CTNNA2: variants seen among roughly 807,000 people sequenced by gnomAD.
CTNNA2 encodes catenin alpha 2.
CTNNA2 carries 42 observed loss-of-function variants against 101.0 expected under a neutral mutation model. The observed-to-expected ratio is 0.42, with a 90% CI of 0.32 to 0.54. The LOEUF is 0.54. CTNNA2 is among the 20% of genes least tolerant of loss of function. The pLI, the probability that CTNNA2 is intolerant of heterozygous loss-of-function variation, is 0.14. For missense variants in CTNNA2, 871 were observed against 1,223.1 expected, an observed-to-expected ratio of 0.71 and a Z score of 4.29; for synonymous variants, 450 against 456.4, an observed-to-expected ratio of 0.99 and a Z score of 0.18.
At chr2:79,707,306 A>G (rs1685448070) in intron 2 of CTNNA2, among the ~76,000 whole-genome samples, 1 of 152,230 alleles carries the variant, frequency 6.6e-6, no homozygotes, top group Non-Finnish European at 1.5e-5. Context: ...TTGAGAGGCC[A>G]TAATCCATAT....
intron 2 of CTNNA2, among the ~76,000 whole-genome samples, chr2:79,215,323 C>A (rs1223940372): frequency 2.0e-5 from 3 of 152,194 alleles, no homozygotes; most frequent in African/African-American, 2.4e-5. Context: ...CTGGCCACTG[C>A]GGTTCAGGCG....
intron 1 of CTNNA2, among the ~76,000 whole-genome samples, chr2:79,536,574 A>AGTGTGTGTGTGTGTGT (rs61029469): frequency 0.011 from 1,584 of 146,780 alleles, 10 homozygotes; most frequent in Non-Finnish European, 0.018. Flanking sequence ...TCTCTAAAGA[A>AGTGTGTGTGTGTGTGT]GTGTGTGTGT....
At chr2:79,551,108 A>G (rs894402760) in intron 1 of CTNNA2, among the ~76,000 whole-genome samples, 2 of 152,210 alleles carry the variant, frequency 1.3e-5, no homozygotes, top group South Asian at 2.1e-4. Context: ...TCGTCACTAT[A>G]TAGCTGCTGC....
chr2:80,606,162 G>A (rs991276806), intron 16 of CTNNA2, among the ~76,000 whole-genome samples: 2 of 151,774 alleles, frequency 1.3e-5, no homozygotes, highest in Non-Finnish European at 2.9e-5. Context: ...GACTTCTTGG[G>A]AGTGAAAATG....
intron 4 of CTNNA2, among the ~76,000 whole-genome samples, chr2:79,443,337 C>G (rs1184958893): frequency 6.6e-6 from 1 of 152,028 alleles, no homozygotes; most frequent in Non-Finnish European, 1.5e-5. Flanking sequence ...AACTGATGTC[C>G]AAGAGCAGGA....
At chr2:80,310,494 T>C (rs1336155186) in intron 7 of CTNNA2, among the ~76,000 whole-genome samples, 1 of 152,142 alleles carries the variant, frequency 6.6e-6, no homozygotes, top group Admixed American at 6.5e-5. Flanking sequence ...TGGTAATTGA[T>C]CCCATGGGGC....
chr2:79,861,790 A>C (rs1681641427), intron 4 of CTNNA2, among the ~76,000 whole-genome samples: 1 of 152,344 alleles, frequency 6.6e-6, no homozygotes, highest in African/African-American at 2.4e-5. Context: ...TCTAGTGCCC[A>C]GTTAGCACCC....
At chr2:79,706,734 G>C (rs542265430) in intron 2 of CTNNA2, among the ~76,000 whole-genome samples, 2 of 152,204 alleles carry the variant, frequency 1.3e-5, no homozygotes, top group African/African-American at 4.8e-5. Flanking sequence ...AATCTTGGGT[G>C]GTGGGCAGGC....
rs1034832041 is a variant in CTNNA2 at position 80,647,931 on chromosome 2, A to C, written c.*59A>C. On this transcript the variant is annotated 3_prime_UTR_variant, in exon 19 of 19. Coordinates refer to ENST00000402739, the MANE Select transcript of CTNNA2 (RefSeq NM_001282597.3). Reference sequence around the variant, plus strand: ...CTTTTCTTTCTTTCTTTTTCTTTTTAATTCCATTTTTGTATGCATACCTGC... The same window carrying C: ...CTTTTCTTTCTTTCTTTTTCTTTTTCATTCCATTTTTGTATGCATACCTGC... 2.7e-6 allele frequency: 4 copies of C among 1,499,568 alleles called. No homozygotes were observed. The East Asian group carries it at 9.1e-5, about 34-fold the overall frequency. The allele number at this position is 1,499,568 out of a possible 1,614,324, so 92.9% of individuals were successfully genotyped here.
intron 6 of CTNNA2, among the ~76,000 whole-genome samples, chr2:79,895,406 C>T (rs1684636908): frequency 6.6e-6 from 1 of 152,080 alleles, no homozygotes; most frequent in African/African-American, 2.4e-5. Context: ...TACAATTATT[C>T]TTTCATCAGA....
Position 80,001,880 on chromosome 2 carries a change from A to G in CTNNA2, c.1056+92083A>G, listed in dbSNP as rs563909192. On this transcript the variant is annotated intron_variant, in intron 7 of 18. Transcript: ENST00000402739. ...TTCTAGCTTTTTGAAAAGTTTAAAAACCATAGCACTGCGTTTTAGAATACT... is the reference window on the plus strand; with the variant it reads ...TTCTAGCTTTTTGAAAAGTTTAAAAGCCATAGCACTGCGTTTTAGAATACT... Among the ~76,000 whole-genome samples, 23 of 152,222 alleles carry G rather than the reference A, an allele frequency of 1.5e-4. 1 individual carries two copies. In the South Asian group the frequency reaches 4.8e-3, roughly 32 times the overall value.
At chr2:79,579,669 C>T (rs749964019) in intron 1 of CTNNA2, among the ~76,000 whole-genome samples, 2 of 152,110 alleles carry the variant, frequency 1.3e-5, no homozygotes, top group African/African-American at 2.4e-5. Flanking sequence ...GGCTGGAGTG[C>T]CATGGCACGA....
At chr2:80,603,022 C>T (rs1007546418) in intron 15 of CTNNA2, among the ~76,000 whole-genome samples, 66 of 152,074 alleles carry the variant, frequency 4.3e-4, no homozygotes, top group African/African-American at 1.4e-3. Flanking sequence ...GCAATCATTG[C>T]CCTCTCTGTA....
chr2:79,503,436 C>T (rs1671346723), intron 4 of CTNNA2, among the ~76,000 whole-genome samples: 1 of 152,130 alleles, frequency 6.6e-6, no homozygotes, highest in African/African-American at 2.4e-5. Context: ...TACTACATTG[C>T]TTCTGACCAA....
chr2:79,705,382 A>G (rs1052299586), intron 2 of CTNNA2, among the ~76,000 whole-genome samples: 1 of 152,182 alleles, frequency 6.6e-6, no homozygotes, highest in African/African-American at 2.4e-5. Flanking sequence ...CTATTTTGTT[A>G]TTAGTTATTG....
chr2:79,744,539 CA>C lies in CTNNA2; in HGVS notation c.258del (p.Glu87LysfsTer7). On this transcript the variant is annotated frameshift_variant, in exon 3 of 19. Coordinates refer to ENST00000402739, the MANE Select transcript of CTNNA2 (RefSeq NM_001282597.3). LOFTEE classifies it high-confidence loss of function. ...AGATCGCTAAGGAGAGTCAAGATCTCAAAGAAGAGTTGGTGGCTGCTGTAGA... is the reference window on the plus strand; with the variant it reads ...AGATCGCTAAGGAGAGTCAAGATCTCAAGAAGAGTTGGTGGCTGCTGTAGA... ...EQIAKESQDL[K>X]EELVAAVEDV... 1 of 1,613,872 alleles carries C rather than the reference CA, an allele frequency of 6.2e-7. No individual in the cohort carries two copies. The highest frequency in any genetic ancestry group is 1.3e-5 in the African/African-American group (1 of 74,992).
intron 3 of CTNNA2, among the ~76,000 whole-genome samples, chr2:79,828,827 C>A (rs1480001317): frequency 2.0e-5 from 3 of 152,174 alleles, no homozygotes; most frequent in Non-Finnish European, 4.4e-5. Context: ...CCCATTGAAA[C>A]AGAAAATCTG....
At chr2:79,296,035 T>A (rs1675972354) in intron 2 of CTNNA2, among the ~76,000 whole-genome samples, 1 of 152,052 alleles carries the variant, frequency 6.6e-6, no homozygotes, top group Non-Finnish European at 1.5e-5. Flanking sequence ...TTCTGCCTCA[T>A]TCCTACTATG....
intron 7 of CTNNA2, among the ~76,000 whole-genome samples, chr2:80,263,410 C>T (rs1192564472): frequency 6.6e-6 from 1 of 152,202 alleles, no homozygotes; most frequent in Non-Finnish European, 1.5e-5. Flanking sequence ...TCTTGGCTCA[C>T]TGAAACCTCC....
Sources: allele counts gnomAD v4.1 joint callset (sites outside exome capture counted in the v4.1 genomes callset), GRCh38; gene constraint gnomAD v4.1.1; transcripts MANE v1.5; gene names NCBI Gene and HGNC (gene_info 2026-07-23, HGNC 2026-07-21).